ICA1: variants seen among roughly 807,000 people sequenced by gnomAD.
ICA1 encodes islet cell autoantigen 1, also known as 69 kDa islet cell autoantigen.
ICA1 carries 40 observed loss-of-function variants against 71.0 expected under a neutral mutation model. The observed-to-expected ratio is 0.56, with a 90% CI of 0.44 to 0.73. The LOEUF (loss-of-function observed/expected upper bound fraction) is 0.73, where lower values mean the gene tolerates loss of function less well. Among genes scored for constraint, ICA1 ranks in the 30% least tolerant of loss-of-function variants. ICA1 has a pLI of 0.00. For missense variants in ICA1, 578 were observed against 576.5 expected, an observed-to-expected ratio of 1.00 and a Z score of -0.03; for synonymous variants, 207 against 209.5, an observed-to-expected ratio of 0.99 and a Z score of 0.10.
At chr7:8,213,035 A>T (rs1403161928) in intron 6 of ICA1, among the ~76,000 whole-genome samples, 2 of 152,160 alleles carry the variant, frequency 1.3e-5, no homozygotes, top group African/African-American at 4.8e-5. Context: ...AAAAGCAGCA[A>T]CCCACGGGTG....
At chr7:8,134,707 CTATAT>C (rs1457304203) in intron 12 of ICA1, among the ~76,000 whole-genome samples, 1 of 152,006 alleles carries the variant, frequency 6.6e-6, no homozygotes, top group Non-Finnish European at 1.5e-5. Flanking sequence ...AAAACATATT[CTATAT>C]TATAACAAAC....
chr7:8,167,105 C>T (rs1378334344), intron 6 of ICA1, among the ~76,000 whole-genome samples: 1 of 152,116 alleles, frequency 6.6e-6, no homozygotes, highest in Non-Finnish European at 1.5e-5. Flanking sequence ...CCATTTGACC[C>T]AACAATCCCA....
At chr7:8,246,816 G>T (rs1003914843) in intron 1 of ICA1, among the ~76,000 whole-genome samples, 2 of 152,240 alleles carry the variant, frequency 1.3e-5, no homozygotes, top group East Asian at 1.9e-4. Flanking sequence ...GTGCGATCTC[G>T]GCTCACCACA....
In ICA1 at chr7:8,176,068, G is replaced by A. The variant is rs192759676; in HGVS notation, c.580-17416C>T. On this transcript the variant is annotated intron_variant, in intron 6 of 13. Coordinates refer to ENST00000402384, the MANE Select transcript of ICA1 (RefSeq NM_001136020.3). ...ACAGAGGAGAAAGCTTAGGTACAAA[G>A]TACCGTTCCTAAAAGCAAACAGCCA... Among the ~76,000 whole-genome samples, 134 of 152,344 alleles carry A rather than the reference G, an allele frequency of 8.8e-4. 4 individuals are homozygous for A. The highest frequency in any genetic ancestry group is 7.9e-3 in the Admixed American group (121 of 15,298).
intron 1 of ICA1, among the ~76,000 whole-genome samples, chr7:8,254,367 T>C (rs1171871506): frequency 6.6e-6 from 1 of 151,484 alleles, no homozygotes; most frequent in Non-Finnish European, 1.5e-5. Context: ...GAGCAGGGAA[T>C]GCAGGCAGTC....
At chr7:8,143,850 C>A (rs1425180778) in intron 9 of ICA1, 25 bp downstream of exon 9, 1 of 1,459,028 alleles carries the variant, frequency 6.9e-7, no homozygotes, top group South Asian at 1.1e-5. Flanking sequence ...AAGAAAGATG[C>A]AGAGGGAAGG....
chr7:8,218,004 G>A (rs1175857080), intron 6 of ICA1, among the ~76,000 whole-genome samples: 1 of 152,162 alleles, frequency 6.6e-6, no homozygotes, highest in Non-Finnish European at 1.5e-5. Context: ...TTGATTTTTA[G>A]TTATGCATGA....
At chr7:8,220,462 TA>T (rs1796702904) in intron 5 of ICA1, among the ~76,000 whole-genome samples, 1 of 152,212 alleles carries the variant, frequency 6.6e-6, no homozygotes, top group Non-Finnish European at 1.5e-5. Context: ...GTGAAATTTC[TA>T]TAGCTTGAAT....
At chr7:8,142,914 A>G (rs1488357838) in intron 9 of ICA1, among the ~76,000 whole-genome samples, 2 of 152,246 alleles carry the variant, frequency 1.3e-5, no homozygotes, top group African/African-American at 4.8e-5. Flanking sequence ...GCATCAAAAA[A>G]TTTATCTAGT....
chr7:8,135,885 C>T lies in ICA1; in HGVS notation c.1060+2955G>A, dbSNP rs114229105. Among the ~76,000 whole-genome samples the T allele has an allele frequency of 4.3e-3, 656 of 152,264 alleles. 2 individuals are homozygous for T. Among genetic ancestry groups the T allele is most frequent in the African/African-American group, 0.015 (631 of 41,560 alleles). On this transcript the variant is annotated intron_variant, in intron 12 of 13. Transcript: ENST00000402384. ...CATTGAACTGTCTTCTGCTTTGTAACACCACTTTTTTGTTCAGGTATCTGC... is the reference window on the plus strand; with the variant it reads ...CATTGAACTGTCTTCTGCTTTGTAATACCACTTTTTTGTTCAGGTATCTGC...
chr7:8,152,502 C>G (rs1188371636), intron 8 of ICA1, among the ~76,000 whole-genome samples: 1 of 150,574 alleles, frequency 6.6e-6, no homozygotes, highest in East Asian at 1.9e-4. Context: ...GTCACCCTTA[C>G]CACCACCACT....
chr7:8,261,363 T>C (rs1037028875), intron 1 of ICA1, among the ~76,000 whole-genome samples: 1 of 151,920 alleles, frequency 6.6e-6, no homozygotes, highest in African/African-American at 2.4e-5. Context: ...AACAACAGGA[T>C]ATGTTCGTTT....
intron 6 of ICA1, among the ~76,000 whole-genome samples, chr7:8,163,804 G>C (rs571497710): frequency 6.6e-6 from 1 of 152,336 alleles, no homozygotes; most frequent in African/African-American, 2.4e-5. Flanking sequence ...GAACGAGCAG[G>C]AGGGTGGGAT....
chr7:8,199,343 G>A (rs1016390251), intron 6 of ICA1, among the ~76,000 whole-genome samples: 1 of 152,180 alleles, frequency 6.6e-6, no homozygotes, highest in African/African-American at 2.4e-5. Context: ...AGCAACCTAA[G>A]TGTCCATCAA....
chr7:8,197,190 A>G (rs1005955921), intron 6 of ICA1, among the ~76,000 whole-genome samples: 1 of 152,088 alleles, frequency 6.6e-6, no homozygotes, highest in Non-Finnish European at 1.5e-5. Context: ...ACAGATGGTA[A>G]AGATGAGAAA....
intron 13 of ICA1, among the ~76,000 whole-genome samples, chr7:8,120,809 G>T (rs1022311853): frequency 6.6e-6 from 1 of 152,230 alleles, no homozygotes; most frequent in Non-Finnish European, 1.5e-5. Context: ...GCCAGCTACA[G>T]CAGCAAGTGA....
At chr7:8,156,836 A>G (rs1219803440) in intron 8 of ICA1, 15 of 1,487,292 alleles carry the variant, frequency 1.0e-5, no homozygotes, top group Non-Finnish European at 1.3e-5. Context: ...GTTCACCACA[A>G]TTCATCTCCC....
intron 6 of ICA1, among the ~76,000 whole-genome samples, chr7:8,205,780 G>C (rs1232924978): frequency 2.6e-5 from 4 of 152,226 alleles, no homozygotes; most frequent in Admixed American, 1.3e-4. Context: ...AGTTGAGAGA[G>C]AGACTGTAGG....
intron 1 of ICA1, among the ~76,000 whole-genome samples, chr7:8,261,830 C>A (rs1812573891): frequency 6.6e-6 from 1 of 152,306 alleles, no homozygotes; most frequent in East Asian, 1.9e-4. Flanking sequence ...TACCGCTCCC[C>A]CGGGGCTGAC....
Sources: allele counts gnomAD v4.1 joint callset (sites outside exome capture counted in the v4.1 genomes callset), GRCh38; gene constraint gnomAD v4.1.1; transcripts MANE v1.5; gene names NCBI Gene and HGNC (gene_info 2026-07-23, HGNC 2026-07-21).